The following SENP7 variants were observed in gnomAD, a reference collection of about 807,000 sequenced individuals.
SENP7 encodes SUMO specific peptidase 7.
A neutral mutation model predicts 141.2 loss-of-function variants in SENP7; 64 were observed. The observed-to-expected ratio is 0.45, with a 90% CI of 0.37 to 0.56. The LOEUF (loss-of-function observed/expected upper bound fraction) is 0.56, where lower values mean the gene tolerates loss of function less well. Ranked by LOEUF, SENP7 falls within the 20% of genes least tolerant of loss-of-function variation. The pLI, the probability that SENP7 is intolerant of heterozygous loss-of-function variation, is 0.00. For synonymous variants in SENP7, 382 were observed against 426.4 expected (o/e 0.90, Z 1.28); for missense variants, 1,025 against 1,212.2 (o/e 0.85, Z 2.29).
chr3:101,353,346 A>T (rs2059659506), intron 11 of SENP7, among the ~76,000 whole-genome samples: 1 of 151,872 alleles, frequency 6.6e-6, no homozygotes, highest in Non-Finnish European at 1.5e-5. Flanking sequence ...GCATGTCCCC[A>T]CCCACTACTT....
rs745526738 is a variant in SENP7 at position 101,327,795 on chromosome 3, T to C, written c.2886A>G (p.Glu962=). ...NLREYLEVEW[E]VKLKTHRQFS... ...ATTGACGATGAGTTTTTAGTTTAAC[T>C]TCCCACTCTACCTCTAAATACCTGA... is the stretch of plus-strand genomic sequence containing the variant. The change falls in exon 23 of 24, where the codon GAA becomes GAG. Residue 962 remains glutamate (E), a synonymous_variant. Transcript: ENST00000394095. 6.2e-7 allele frequency: 1 copy of C among 1,608,670 alleles called. No individual in the cohort carries two copies. The highest frequency in any genetic ancestry group is 8.5e-7 in the Non-Finnish European group (1 of 1,176,476).
chr3:101,426,110 T>C (rs1247723167), intron 4 of SENP7, among the ~76,000 whole-genome samples: 1 of 152,074 alleles, frequency 6.6e-6, no homozygotes, highest in African/African-American at 2.4e-5. Flanking sequence ...CATGAGAACT[T>C]CCCCAACCTA....
chr3:101,403,312 T>C (rs969894980), intron 5 of SENP7, among the ~76,000 whole-genome samples: 2 of 152,232 alleles, frequency 1.3e-5, no homozygotes, highest in Non-Finnish European at 2.9e-5. Flanking sequence ...TTACTATTTT[T>C]CCCTACATAA....
intron 6 of SENP7, among the ~76,000 whole-genome samples, chr3:101,391,026 T>C (rs2060802176): frequency 6.6e-6 from 1 of 151,670 alleles, no homozygotes; most frequent in Non-Finnish European, 1.5e-5. Context: ...AAAAATAAAT[T>C]TAAAAAGTAT....
intron 17 of SENP7, among the ~76,000 whole-genome samples, chr3:101,335,132 C>G (rs2059151811): frequency 6.6e-6 from 1 of 151,954 alleles, no homozygotes; most frequent in South Asian, 2.1e-4. Context: ...TTTTTAAATG[C>G]CAGGATAAGT....
chr3:101,437,396 T>TA (rs1272787453), intron 4 of SENP7, among the ~76,000 whole-genome samples: 1 of 152,198 alleles, frequency 6.6e-6, no homozygotes, highest in African/African-American at 2.4e-5. Flanking sequence ...ACTCAAAGGA[T>TA]AAATGCTTGA....
chr3:101,468,664 A>G (rs1482264727), intron 3 of SENP7, among the ~76,000 whole-genome samples: 2 of 152,206 alleles, frequency 1.3e-5, no homozygotes, highest in East Asian at 3.8e-4. Context: ...ATGCTGAGAG[A>G]TTTCGTCACT....
intron 11 of SENP7, among the ~76,000 whole-genome samples, chr3:101,359,912 T>C (rs188595306): frequency 2.4e-4 from 37 of 151,948 alleles, no homozygotes; most frequent in Middle Eastern, 6.8e-3. Context: ...TGTAATAATA[T>C]AATTAATATA....
At position 101,444,643 on chromosome 3, in the gene SENP7, C is replaced by A. The variant is rs1313106507; in HGVS notation, c.284+14312G>T. Among the ~76,000 whole-genome samples the A allele has an allele frequency of 8.8e-5, 13 of 148,238 alleles. No homozygotes were observed. In the South Asian group the frequency reaches 2.1e-3, roughly 24 times the overall value. ...CATTCTCAGTAAACTATCGCAAGAA[C>A]AAAAAACCAAACACCGTATACTCTC... On this transcript the variant is annotated intron_variant, in intron 4 of 23. Coordinates refer to ENST00000394095, the MANE Select transcript of SENP7 (RefSeq NM_020654.5).
At chr3:101,395,663 T>C (rs185574770) in intron 6 of SENP7, among the ~76,000 whole-genome samples, 5 of 152,286 alleles carry the variant, frequency 3.3e-5, no homozygotes, top group East Asian at 1.9e-4. Flanking sequence ...AACAAATTCA[T>C]CTTAAGGGAA....
chr3:101,480,526 T>G (rs560526754), intron 3 of SENP7, among the ~76,000 whole-genome samples: 3 of 152,212 alleles, frequency 2.0e-5, no homozygotes, highest in Admixed American at 2.0e-4. Flanking sequence ...CAACTTAAGA[T>G]GGATTGACAA....
intron 11 of SENP7, among the ~76,000 whole-genome samples, chr3:101,361,217 C>CG (rs2059891538): frequency 8.1e-6 from 1 of 124,032 alleles, no homozygotes; most frequent in Non-Finnish European, 1.8e-5. Flanking sequence ...TGTCCGCCCC[C>CG]CCAAAAAAAA....
intron 14 of SENP7, among the ~76,000 whole-genome samples, chr3:101,342,121 T>C (rs1033588663): frequency 7.2e-5 from 11 of 152,134 alleles, no homozygotes; most frequent in African/African-American, 2.7e-4. Context: ...ATAATGTAAT[T>C]CCACTAAATG....
At chr3:101,419,488 A>G (rs897128901) in intron 4 of SENP7, among the ~76,000 whole-genome samples, 2 of 152,216 alleles carry the variant, frequency 1.3e-5, no homozygotes, top group Non-Finnish European at 2.9e-5. Context: ...TATCAGAGGT[A>G]GTTTAGAAGA....
At chr3:101,371,150 G>A (rs1033131188) in intron 7 of SENP7, among the ~76,000 whole-genome samples, 5 of 152,054 alleles carry the variant, frequency 3.3e-5, no homozygotes, top group South Asian at 2.1e-4. Context: ...TTAGCCAGGC[G>A]TGGTGGTGCA....
chr3:101,396,987 G>T (rs2060987116), intron 6 of SENP7, among the ~76,000 whole-genome samples: 2 of 152,220 alleles, frequency 1.3e-5, no homozygotes, highest in Admixed American at 1.3e-4. Flanking sequence ...GGGATTATAG[G>T]CCCCTGCCAC....
chr3:101,332,008 G>T lies in SENP7; in HGVS notation c.2675C>A (p.Ser892Tyr). The T allele has an allele frequency of 6.2e-7, 1 of 1,613,286 alleles. No individual in the cohort carries two copies. Among genetic ancestry groups the T allele is most frequent in the Non-Finnish European group, 8.5e-7 (1 of 1,179,572 alleles). Residue 892 changes from serine (S) to tyrosine (Y), a missense_variant, in exon 19 of 24, where the codon TCC becomes TAC. Physicochemically the swap from Ser to Tyr is moderately radical, Grantham distance 144. This residue lies in a region of SENP7 where 295 missense variants were observed against 459.1 expected (regional missense o/e 0.64). Coordinates refer to ENST00000394095, the MANE Select transcript of SENP7 (RefSeq NM_020654.5). The stretch of plus-strand genomic sequence containing the variant: ...ACCTATTGTTTTGTTGTCATTTTGG[G>T]ACTGCTGAGCCTGGGACTGCTGGGA... Reference protein sequence around the residue: ...TVSQQSQAQQSQNDNKTIDND... With the variant: ...TVSQQSQAQQYQNDNKTIDND...
chr3:101,499,267 G>A (rs537179624), intron 2 of SENP7, among the ~76,000 whole-genome samples: 18 of 152,218 alleles, frequency 1.2e-4, no homozygotes, highest in Non-Finnish European at 2.1e-4. Flanking sequence ...TCTAAAGCAC[G>A]ATATTTCACT....
At position 101,470,545 on chromosome 3, in the gene SENP7, T is replaced by C. The variant is rs2063945874; in HGVS notation, c.187-11493A>G. Among the ~76,000 whole-genome samples, 3 of 152,164 alleles carry C rather than the reference T, an allele frequency of 2.0e-5. No homozygotes were observed. The South Asian group carries it at 6.2e-4, about 32-fold the overall frequency. ...TATGACAGACCCACAGCCAATATCA[T>C]ACTGAATAGGCAAAAACTGGAAGCA... On this transcript the variant is annotated intron_variant, in intron 3 of 23. Transcript: ENST00000394095.
Sources: allele counts gnomAD v4.1 joint callset (sites outside exome capture counted in the v4.1 genomes callset), GRCh38; gene constraint gnomAD v4.1.1; regional missense constraint gnomAD v4.1.1; transcripts MANE v1.5; gene names NCBI Gene and HGNC (gene_info 2026-07-23, HGNC 2026-07-21).